EPHX1: variants seen among roughly 807,000 people sequenced by gnomAD.
EPHX1 encodes the protein epoxide hydratase.
Under a neutral mutation model 43.2 loss-of-function variants are expected in EPHX1, and 40 were observed. That is an observed-to-expected ratio of 0.93 (90% confidence interval 0.72 to 1.21). The LOEUF (loss-of-function observed/expected upper bound fraction) is 1.21, where lower values mean the gene tolerates loss of function less well. Among genes scored for constraint, EPHX1 ranks in the 50% most tolerant of loss-of-function variants. The pLI is 0.00. For synonymous variants in EPHX1, 221 were observed against 226.7 expected, an observed-to-expected ratio of 0.98 and a Z score of 0.22; for missense variants, 550 against 570.4, an observed-to-expected ratio of 0.96 and a Z score of 0.36.
intron 1 of EPHX1, among the ~76,000 whole-genome samples, chr1:225,821,760 G>C: frequency 6.9e-6 from 1 of 145,878 alleles, no homozygotes; most frequent in East Asian, 2.0e-4. Flanking sequence ...ATGGGGTTTT[G>C]CCATGTTGCC....
At position 225,813,760 on chromosome 1, in the gene EPHX1, C is replaced by T. The variant is rs143416639; in HGVS notation, c.-6+3591C>T. ...GGAGTCCTCATGCCCACCCGCCCTGCTGTCTGTGTCTTTCCGTCTGTTGCC... is the reference window on the plus strand; with the variant it reads ...GGAGTCCTCATGCCCACCCGCCCTGTTGTCTGTGTCTTTCCGTCTGTTGCC... On this transcript the variant is annotated intron_variant, in intron 1 of 8. Transcript: ENST00000272167. Among the ~76,000 whole-genome samples, 8 of 152,326 alleles carry T rather than the reference C, an allele frequency of 5.3e-5. No individual in the cohort carries two copies. The East Asian group carries it at 1.3e-3, about 26-fold the overall frequency.
intron 1 of EPHX1, among the ~76,000 whole-genome samples, chr1:225,828,159 C>T (rs1220177520): frequency 6.6e-6 from 1 of 152,152 alleles, no homozygotes; most frequent in Non-Finnish European, 1.5e-5. Context: ...TCCTGGCTAA[C>T]ATGGTGAAAC....
At chr1:225,831,201 C>A (rs1559020825) in intron 2 of EPHX1, among the ~76,000 whole-genome samples, 1 of 152,156 alleles carries the variant, frequency 6.6e-6, no homozygotes, top group African/African-American at 2.4e-5. Flanking sequence ...TTGCCGACTC[C>A]CGCTGTAGAG....
intron 1 of EPHX1, among the ~76,000 whole-genome samples, chr1:225,814,795 T>C (rs899911136): frequency 2.0e-4 from 30 of 152,218 alleles, no homozygotes; most frequent in African/African-American, 6.8e-4. Context: ...ACTGGCCGCA[T>C]TGAGGGGTGA....
intron 7 of EPHX1, 73 bp from the exon 8 acceptor site, chr1:225,844,425 G>A: frequency 6.2e-7 from 1 of 1,612,482 alleles, no homozygotes; most frequent in Admixed American, 1.7e-5. Flanking sequence ...GCATTTGTAG[G>A]ACTTTCTGGC....
chr1:225,838,647 C>T lies in EPHX1; in HGVS notation c.365-7C>T, dbSNP rs1668101829. 6.2e-7 allele frequency: 1 copy of T among 1,612,242 alleles called. No individual in the cohort carries two copies. Among genetic ancestry groups the T allele is most frequent in the Non-Finnish European group, 8.5e-7 (1 of 1,178,442 alleles). ...CCCTCCACCCTGACTGTGCTCTGTC[C>T]CCCCAGGGCTGGACATCCACTTCAT... On this transcript the variant is annotated splice_region_variant and splice_polypyrimidine_tract_variant and intron_variant, in intron 3 of 8. Transcript: ENST00000272167.
rs535556723 is a variant in EPHX1 at position 225,822,323 on chromosome 1, C to T, written c.-5-6402C>T. On this transcript the variant is annotated intron_variant, in intron 1 of 8. Transcript: ENST00000272167. ...TTTGTTGGGAAGAGTACCTTGGCTTCGAGAAAAAAATGATTTCATTCTGAA... is the reference window on the plus strand; with the variant it reads ...TTTGTTGGGAAGAGTACCTTGGCTTTGAGAAAAAAATGATTTCATTCTGAA... 5.3e-5 allele frequency among the ~76,000 whole-genome samples: 8 copies of T among 152,230 alleles called. No homozygotes were observed. The East Asian group carries it at 7.7e-4, about 15-fold the overall frequency.
At chr1:225,833,948 A>T (rs1667787095) in intron 3 of EPHX1, among the ~76,000 whole-genome samples, 1 of 147,492 alleles carries the variant, frequency 6.8e-6, no homozygotes, top group African/African-American at 2.5e-5. Context: ...AATACAAAAA[A>T]TTAGCCGGGC....
At chr1:225,829,351 A>C (rs190574462) in intron 2 of EPHX1, among the ~76,000 whole-genome samples, 1 of 152,340 alleles carries the variant, frequency 6.6e-6, no homozygotes, top group East Asian at 1.9e-4. Flanking sequence ...GGTCACATTC[A>C]ATCCCTACGG....
At chr1:225,832,062 C>T in intron 3 of EPHX1, 103 bp downstream of exon 3, 1 of 1,280,718 alleles carries the variant, frequency 7.8e-7, no homozygotes, top group Non-Finnish European at 1.1e-6. Context: ...ATTCAGAACC[C>T]AATTATAGGT....
Position 225,842,381 on chromosome 1 carries a change from ACT to A in EPHX1, c.951_952del (p.Pro318CysfsTer70). On this transcript the variant is annotated frameshift_variant, in exon 7 of 9. Coordinates refer to ENST00000272167, the MANE Select transcript of EPHX1 (RefSeq NM_001136018.4). LOFTEE classifies it high-confidence loss of function. The stretch of plus-strand genomic sequence containing the variant: ...TCCCCGCCAGGCTCTGCTCTGAATG[ACT>A]CTCCTGTGGGTCTGGCTGCCTATAT... 6.2e-7 allele frequency: 1 copy of A among 1,612,834 alleles called. No individual in the cohort carries two copies. The highest frequency in any genetic ancestry group is 8.5e-7 in the Non-Finnish European group (1 of 1,179,090).
At chr1:225,835,553 C>T (rs1419511062) in intron 3 of EPHX1, among the ~76,000 whole-genome samples, 1 of 151,856 alleles carries the variant, frequency 6.6e-6, no homozygotes, top group Non-Finnish European at 1.5e-5. Context: ...CCATGCCCAG[C>T]TAATTTTTTG....
chr1:225,837,612 G>C (rs1668037181), intron 3 of EPHX1, among the ~76,000 whole-genome samples: 1 of 152,170 alleles, frequency 6.6e-6, no homozygotes, highest in South Asian at 2.1e-4. Context: ...CTGCTTCCCA[G>C]GTTCAAGCGA....
At position 225,822,295 on chromosome 1, in the gene EPHX1, C is replaced by T. The variant is rs1333821273; in HGVS notation, c.-5-6430C>T. ...TATTTTCTTTACTAGGCAAGTGAACCATTTTGTTGGGAAGAGTACCTTGGC... is the reference window on the plus strand; with the variant it reads ...TATTTTCTTTACTAGGCAAGTGAACTATTTTGTTGGGAAGAGTACCTTGGC... On this transcript the variant is annotated intron_variant, in intron 1 of 8. Transcript: ENST00000272167. Among the ~76,000 whole-genome samples, 5 of 152,228 alleles carry T rather than the reference C, an allele frequency of 3.3e-5. No homozygotes were observed. The East Asian group carries it at 9.6e-4, about 29-fold the overall frequency.
intron 1 of EPHX1, among the ~76,000 whole-genome samples, chr1:225,823,254 A>G (rs1315553855): frequency 6.6e-6 from 1 of 151,382 alleles, no homozygotes; most frequent in Non-Finnish European, 1.5e-5. Context: ...CTGATATTGA[A>G]TTCCTGGCCA....
At chr1:225,827,598 A>G (rs3738043) in intron 1 of EPHX1, among the ~76,000 whole-genome samples, 14,763 of 152,222 alleles carry the variant, frequency 0.097, 851 homozygotes, top group East Asian at 0.21. Context: ...AGGCAACACT[A>G]TGGACACAGA....
chr1:225,841,835 C>T (rs953098101), intron 6 of EPHX1, among the ~76,000 whole-genome samples: 4 of 152,020 alleles, frequency 2.6e-5, no homozygotes, highest in Non-Finnish European at 5.9e-5. Context: ...AACTCCTTAC[C>T]GCAGGTGATC....
At chr1:225,829,201 A>G (rs549924113) in intron 2 of EPHX1, among the ~76,000 whole-genome samples, 3 of 152,152 alleles carry the variant, frequency 2.0e-5, no homozygotes, top group Non-Finnish European at 4.4e-5. Context: ...AGCAGCTGTC[A>G]TCACCTCCTC....
rs2292568 is a variant in EPHX1, at chr1:225,839,958, C to T, written c.852C>T (p.Pro284=). The T allele has an allele frequency of 0.047, 75,386 of 1,614,140 alleles. 2,264 individuals carry two copies. The highest frequency in any genetic ancestry group is 0.15 in the East Asian group (6,591 of 44,874). The part of the protein sequence containing the change: ...LTERDVELLY[P]VKEKVFYSLM... ...AGAGGGATGTGGAGCTGCTGTACCC[C>T]GTCAAGGAGAAGGTATTCTACAGCC... The change falls in exon 6 of 9, where the codon CCC becomes CCT. Residue 284 remains proline, a synonymous_variant. Transcript: ENST00000272167.
Sources: gnomAD v4.1 joint callset for allele counts (sites outside exome capture counted in the v4.1 genomes callset) on GRCh38, gnomAD v4.1.1 for gene constraint, MANE v1.5 for transcripts, NCBI Gene and HGNC (gene_info 2026-07-23, HGNC 2026-07-21) for gene names.